Variants in WDPCP observed in about 807,000 individuals in gnomAD.
WDPCP encodes WD repeat-containing and planar cell polarity effector protein fritz homolog.
WDPCP carries 71 observed loss-of-function variants against 93.1 expected under a neutral mutation model. The observed-to-expected ratio is 0.76, with a 90% CI of 0.63 to 0.93. The LOEUF (loss-of-function observed/expected upper bound fraction) is 0.93. Among genes scored for constraint, WDPCP ranks in the 40% least tolerant of loss-of-function variants. WDPCP has a pLI of 0.00. For missense variants in WDPCP, 844 were observed against 887.4 expected (o/e 0.95, Z 0.62); for synonymous variants, 315 against 315.0 (o/e 1.00, Z 0.00).
chr2:63,548,856 A>G (rs1705349872), intron 1 of WDPCP, among the ~76,000 whole-genome samples: 1 of 152,186 alleles, frequency 6.6e-6, no homozygotes, highest in South Asian at 2.1e-4. Flanking sequence ...ATAAATGTCT[A>G]TATGTTAAGA....
chr2:63,547,259 G>A (rs545004064), intron 1 of WDPCP, among the ~76,000 whole-genome samples: 17 of 152,118 alleles, frequency 1.1e-4, no homozygotes, highest in Admixed American at 7.9e-4. Context: ...AACATATGCT[G>A]ACAAGGATGT....
At chr2:63,234,889 T>C (rs1679247866) in intron 14 of WDPCP, among the ~76,000 whole-genome samples, 1 of 152,118 alleles carries the variant, frequency 6.6e-6, no homozygotes, top group African/African-American at 2.4e-5. Flanking sequence ...TGTAAAGCCC[T>C]TCAAAGATGA....
At chr2:63,322,303 C>T (rs986609083) in intron 12 of WDPCP, among the ~76,000 whole-genome samples, 2 of 152,172 alleles carry the variant, frequency 1.3e-5, no homozygotes, top group African/African-American at 4.8e-5. Context: ...GTGGGTGGGC[C>T]CAGATAAGGG....
At chr2:63,157,353 A>C (rs1672332004) in intron 15 of WDPCP, among the ~76,000 whole-genome samples, 2 of 151,440 alleles carry the variant, frequency 1.3e-5, no homozygotes, top group African/African-American at 4.9e-5. Context: ...ATTCCATGGG[A>C]CTGCTTGATA....
intron 1 of WDPCP, among the ~76,000 whole-genome samples, chr2:63,577,713 T>C (rs1038916297): frequency 1.3e-5 from 2 of 152,146 alleles, no homozygotes; most frequent in Admixed American, 6.5e-5. Context: ...ATATACTTGA[T>C]ATGAAAAATA....
chr2:63,376,418 G>A (rs960372314), intron 12 of WDPCP, among the ~76,000 whole-genome samples: 1 of 151,686 alleles, frequency 6.6e-6, no homozygotes, highest in African/African-American at 2.4e-5. Context: ...AAAAACCAAT[G>A]AACAAAAAAT....
Position 63,190,432 on chromosome 2 carries a change from C to CAA in WDPCP, c.1916-15602_1916-15601dup, listed in dbSNP as rs57419276. Among the ~76,000 whole-genome samples the CAA allele has an allele frequency of 2.4e-3, 220 of 92,238 alleles. 1 individual carries two copies. Among genetic ancestry groups the CAA allele is most frequent in the East Asian group, 7.6e-3 (28 of 3,674 alleles). 60.5% of individuals were successfully genotyped at this position (92,238 alleles called of 152,430 possible). ...TGGGTGACAGGGTGAGACCTTGTCT[C>CAA]AAAAAAAAAAAAAAAAAAAGTAGAG... On this transcript the variant is annotated intron_variant, in intron 14 of 17. Transcript: ENST00000272321.
At chr2:63,593,556 G>T, upstream of WDPCP, 1 of 471,322 alleles carries the variant, frequency 2.1e-6, no homozygotes, top group East Asian at 6.9e-5. Flanking sequence ...TCATCTGGAA[G>T]AAGGAACTTT....
chr2:63,151,215 G>A (rs1166704341), intron 17 of WDPCP, among the ~76,000 whole-genome samples: 1 of 152,056 alleles, frequency 6.6e-6, no homozygotes, highest in Non-Finnish European at 1.5e-5. Flanking sequence ...ACAGGATGCT[G>A]TTTTTTTGTT....
intron 2 of WDPCP, among the ~76,000 whole-genome samples, chr2:63,790,712 A>C (rs534536406): frequency 6.6e-6 from 1 of 152,332 alleles, no homozygotes; most frequent in South Asian, 2.1e-4. Flanking sequence ...AAATAAAGGA[A>C]AGTCCTATTT....
intron 15 of WDPCP, among the ~76,000 whole-genome samples, chr2:63,172,553 G>T (rs1455723484): frequency 7.3e-5 from 11 of 151,592 alleles, no homozygotes. Flanking sequence ...CTTCTAGGTA[G>T]CTGAAGATAA....
At chr2:63,714,360 G>A (rs1026986824) in intron 2 of WDPCP, among the ~76,000 whole-genome samples, 3 of 151,968 alleles carry the variant, frequency 2.0e-5, no homozygotes, top group African/African-American at 7.3e-5. Context: ...GAGCCACCGC[G>A]CCTGGCCTTC....
intron 1 of WDPCP, among the ~76,000 whole-genome samples, chr2:63,565,446 G>C (rs1706967826): frequency 6.6e-6 from 1 of 151,990 alleles, no homozygotes; most frequent in East Asian, 1.9e-4. Flanking sequence ...GAAAATTAAA[G>C]AAATATTTAA....
intron 13 of WDPCP, among the ~76,000 whole-genome samples, chr2:63,304,743 G>C (rs546178868): frequency 1.3e-5 from 2 of 152,254 alleles, no homozygotes; most frequent in Admixed American, 6.5e-5. Context: ...ATGCCAGTGA[G>C]ACACAACCGT....
At chr2:63,464,882 G>A (rs547137792) in intron 6 of WDPCP, among the ~76,000 whole-genome samples, 1 of 152,100 alleles carries the variant, frequency 6.6e-6, no homozygotes, top group Non-Finnish European at 1.5e-5. Context: ...AGGGGTTGAG[G>A]GGAGGGGGAA....
At chr2:63,816,785 A>G (rs1200758381) in intron 1 of WDPCP, among the ~76,000 whole-genome samples, 2 of 152,214 alleles carry the variant, frequency 1.3e-5, no homozygotes, top group African/African-American at 4.8e-5. Context: ...ATGGAATGCT[A>G]TTCAGTAATA....
At chr2:63,490,738 C>A (rs185711196) in intron 2 of WDPCP, among the ~76,000 whole-genome samples, 36 of 152,152 alleles carry the variant, frequency 2.4e-4, no homozygotes, top group Admixed American at 1.0e-3. Context: ...AACTTGAGGA[C>A]ACATGGAGGG....
Position 63,734,477 on chromosome 2 carries a change from T to TA in WDPCP, n.308+79144_308+79145insT, listed in dbSNP as rs1199885194. On this transcript the variant is annotated intron_variant and non_coding_transcript_variant, in intron 2 of 4. Coordinates refer to the WDPCP transcript ENST00000467687. ...AGGTACACATTTTCCATCGAATGGC[T>TA]GCTCTTTGCCAAAAAAATAAATTAA... 5.9e-5 allele frequency among the ~76,000 whole-genome samples: 9 copies of TA among 152,332 alleles called. No individual in the cohort carries two copies. The East Asian group carries it at 1.5e-3, about 26-fold the overall frequency.
At chr2:63,451,332 T>C (rs925269860) in intron 6 of WDPCP, among the ~76,000 whole-genome samples, 8 of 152,232 alleles carry the variant, frequency 5.3e-5, no homozygotes, top group Admixed American at 5.2e-4. Flanking sequence ...GCAAATAAAC[T>C]AGAAAATCTA....
Sources: allele counts gnomAD v4.1 joint callset (sites outside exome capture counted in the v4.1 genomes callset), GRCh38; gene constraint gnomAD v4.1.1; transcripts MANE v1.5; gene names NCBI Gene and HGNC (gene_info 2026-07-23, HGNC 2026-07-21).